UBE2E3: variants seen among roughly 807,000 people sequenced by gnomAD.
UBE2E3 encodes ubiquitin-conjugating enzyme E2 E3.
UBE2E3 carries 5 observed loss-of-function variants against 23.6 expected under a neutral mutation model. The observed-to-expected ratio is 0.21, with a 90% CI of 0.11 to 0.44. UBE2E3 has a LOEUF of 0.44. UBE2E3 is among the 20% of genes least tolerant of loss of function. UBE2E3 has a pLI of 0.99. For synonymous variants in UBE2E3, 78 were observed against 87.5 expected (o/e 0.89, Z 0.60); for missense variants, 81 against 249.8 (o/e 0.32, Z 4.55).
At chr2:181,024,554 A>T (rs1194300207) in intron 3 of UBE2E3, among the ~76,000 whole-genome samples, 4 of 152,092 alleles carry the variant, frequency 2.6e-5, no homozygotes, top group Admixed American at 2.6e-4. Context: ...TTCAAACTTG[A>T]CTTTTAATAT....
chr2:180,996,125 C>CT (rs1444528152), intron 3 of UBE2E3, among the ~76,000 whole-genome samples: 2 of 152,036 alleles, frequency 1.3e-5, no homozygotes, highest in African/African-American at 4.8e-5. Context: ...AAAACTTCAG[C>CT]TTAAATTGCT....
intron 3 of UBE2E3, among the ~76,000 whole-genome samples, chr2:181,007,088 C>A (rs34865829): frequency 0.38 from 57,993 of 152,026 alleles, 11,722 homozygotes; most frequent in East Asian, 0.55. Flanking sequence ...CAAAGTTCTT[C>A]CACCTCCTTT....
In UBE2E3 at chr2:181,024,460, C is replaced by G. The variant is rs115612916; in HGVS notation, c.246-33233C>G. ...TTCCAGTCATCATGGAGTAAACAAG[C>G]AATAAGCAGATTAGGTAGCGCTGCA... On this transcript the variant is annotated intron_variant, in intron 3 of 5. Transcript: ENST00000410062. 3.7e-3 allele frequency among the ~76,000 whole-genome samples: 569 copies of G among 152,102 alleles called. 4 individuals are homozygous for G. Among genetic ancestry groups the G allele is most frequent in the African/African-American group, 0.013 (553 of 41,528 alleles).
At chr2:180,988,956 G>A (rs1684569457) in intron 3 of UBE2E3, among the ~76,000 whole-genome samples, 1 of 151,818 alleles carries the variant, frequency 6.6e-6, no homozygotes, top group South Asian at 2.1e-4. Flanking sequence ...AATCTTAATT[G>A]GAAGCTCGAC....
chr2:181,015,359 T>A (rs1685453371), intron 3 of UBE2E3, among the ~76,000 whole-genome samples: 1 of 152,186 alleles, frequency 6.6e-6, no homozygotes, highest in Non-Finnish European at 1.5e-5. Flanking sequence ...GACTTGCATT[T>A]TTTTTATTTT....
intron 3 of UBE2E3, among the ~76,000 whole-genome samples, chr2:181,009,923 A>G (rs148096222): frequency 0.01 from 1,583 of 152,174 alleles, 31 homozygotes; most frequent in African/African-American, 0.036. Flanking sequence ...TAACTTTTCC[A>G]GTTTTTTAAT....
intron 3 of UBE2E3, among the ~76,000 whole-genome samples, chr2:181,017,702 T>C (rs1685539326): frequency 6.6e-6 from 1 of 150,506 alleles, no homozygotes; most frequent in Non-Finnish European, 1.5e-5. Flanking sequence ...AACAACAGCA[T>C]AAAAGGTTTT....
In UBE2E3 at chr2:181,062,901, G is replaced by T. The variant is rs780084845; in HGVS notation, c.*13G>T. 2.6e-6 allele frequency: 4 copies of T among 1,555,702 alleles called. No homozygotes were observed. The highest frequency in any genetic ancestry group is 1.7e-5 in the Admixed American group (1 of 58,806). ...ATACGCAACATAATTCACATAATTTGTATGCAGTGTGAAGGAGCAGAAGGC... is the reference window on the plus strand; with the variant it reads ...ATACGCAACATAATTCACATAATTTTTATGCAGTGTGAAGGAGCAGAAGGC... On this transcript the variant is annotated 3_prime_UTR_variant, in exon 6 of 6. Transcript: ENST00000410062.
intron 3 of UBE2E3, among the ~76,000 whole-genome samples, chr2:181,005,071 A>G (rs1263394713): frequency 6.6e-6 from 1 of 152,240 alleles, no homozygotes; most frequent in African/African-American, 2.4e-5. Context: ...TTGCAGCGGC[A>G]TACAACTCAA....
chr2:181,022,775 T>C (rs1016180121), intron 3 of UBE2E3, among the ~76,000 whole-genome samples: 1 of 151,580 alleles, frequency 6.6e-6, no homozygotes, highest in African/African-American at 2.4e-5. Context: ...GAAAGAGAGC[T>C]GAAACAGAAG....
chr2:180,991,149 A>ATTTTTTTTTTTT (rs35348964), intron 3 of UBE2E3, among the ~76,000 whole-genome samples: 2 of 150,900 alleles, frequency 1.3e-5, no homozygotes, highest in Non-Finnish European at 2.9e-5. Context: ...AAAACCTTTG[A>ATTTTTTTTTTTT]TTTTTTTTTC....
intron 3 of UBE2E3, among the ~76,000 whole-genome samples, chr2:180,997,381 A>G (rs190119443): frequency 1.8e-3 from 274 of 151,472 alleles, no homozygotes; most frequent in Middle Eastern, 0.01. Flanking sequence ...CATATGACTT[A>G]TTCTGTTTCT....
chr2:180,989,950 T>C (rs1684606267), intron 3 of UBE2E3: 1 of 1,548,948 alleles, frequency 6.5e-7, no homozygotes, highest in African/African-American at 1.4e-5. Flanking sequence ...GTCCTTTCAG[T>C]CTCTTCTTCC....
At chr2:181,046,026 T>C (rs906455865) in intron 3 of UBE2E3, among the ~76,000 whole-genome samples, 7 of 152,204 alleles carry the variant, frequency 4.6e-5, no homozygotes, top group Non-Finnish European at 1.0e-4. Context: ...GCATAATCAC[T>C]GTGAGGGCAA....
At chr2:181,020,291 T>C (rs1685635181) in intron 3 of UBE2E3, among the ~76,000 whole-genome samples, 1 of 152,180 alleles carries the variant, frequency 6.6e-6, no homozygotes, top group Non-Finnish European at 1.5e-5. Flanking sequence ...TCTACCTCCA[T>C]TGTCACATGG....
At chr2:180,999,336 C>A (rs1684927196) in intron 3 of UBE2E3, among the ~76,000 whole-genome samples, 1 of 152,158 alleles carries the variant, frequency 6.6e-6, no homozygotes, top group Non-Finnish European at 1.5e-5. Context: ...ATCTCCTCAC[C>A]AGTTGTGAGC....
chr2:180,980,881 C>G lies in UBE2E3; in HGVS notation c.-118C>G, dbSNP rs1235847707. The G allele has an allele frequency of 2.7e-5, 4 of 149,852 alleles. No homozygotes were observed. The highest frequency in any genetic ancestry group is 1.9e-4 in the South Asian group (1 of 5,184). The allele number at this position is 149,852 out of a possible 1,614,324, so 9.3% of individuals were successfully genotyped here. A position where few individuals can be genotyped will look rare whatever the true frequency, so the allele number is the denominator to read the frequency against. On this transcript the variant is annotated 5_prime_UTR_variant, in exon 1 of 6. Coordinates refer to ENST00000410062, the MANE Select transcript of UBE2E3 (RefSeq NM_006357.4). The surrounding 1 kb of genome is among the most constrained non-coding windows in gnomAD (Gnocchi z 5.5). ...TTTCCCTCCCCCCCCTTCCCCCCCC[C>G]ACAGCTGCCTCCATTTCCTTAAGGA...
At chr2:181,062,324 C>T (rs1247974480) in intron 5 of UBE2E3, among the ~76,000 whole-genome samples, 1 of 151,506 alleles carries the variant, frequency 6.6e-6, no homozygotes, top group Non-Finnish European at 1.5e-5. Flanking sequence ...AGTAAGTTTT[C>T]AAGTGTAAAT....
intron 3 of UBE2E3, among the ~76,000 whole-genome samples, chr2:180,995,619 T>G (rs959356923): frequency 6.6e-6 from 1 of 152,116 alleles, no homozygotes; most frequent in East Asian, 1.9e-4. Flanking sequence ...TGGGCTGAGT[T>G]TCCTTAGAGT....
Sources: gnomAD v4.1 joint callset for allele counts (sites outside exome capture counted in the v4.1 genomes callset) on GRCh38, gnomAD v4.1.1 for gene constraint, Gnocchi (gnomAD v3.1) non-coding constraint, MANE v1.5 for transcripts, NCBI Gene and HGNC (gene_info 2026-07-23, HGNC 2026-07-21) for gene names.